The following HECA variants were observed in gnomAD, a reference collection of about 807,000 sequenced individuals.
HECA encodes the protein headcase protein homolog.
HECA carries 13 observed loss-of-function variants against 37.6 expected under a neutral mutation model. The observed-to-expected ratio is 0.35, with a 90% CI of 0.23 to 0.55. The LOEUF (loss-of-function observed/expected upper bound fraction) is 0.55. Among genes scored for constraint, HECA ranks in the 20% least tolerant of loss-of-function variants. The probability of loss-of-function intolerance (pLI) is 0.90; values close to 1 mark genes in which losing one functional copy is unlikely to be tolerated. For missense variants in HECA, 527 were observed against 701.9 expected (o/e 0.75, Z 2.82); for synonymous variants, 307 against 291.5 (o/e 1.05, Z -0.54).
chr6:139,167,164 T>C lies in HECA; in HGVS notation c.1152T>C (p.Ile384=), dbSNP rs1774902085. 1 of 1,614,022 alleles carries C rather than the reference T, an allele frequency of 6.2e-7. No homozygotes were observed. Among genetic ancestry groups the C allele is most frequent in the Non-Finnish European group, 8.5e-7 (1 of 1,180,026 alleles). The change falls in exon 2 of 4, where the codon ATT becomes ATC. Residue 384 remains isoleucine (I), a synonymous_variant. Coordinates refer to ENST00000367658, the MANE Select transcript of HECA (RefSeq NM_016217.3). ...AGGGGGAAGACTTGCGGAAGTTCATTCTGGCCGCGCTCAGTGCCAGCCACA... is the reference window on the plus strand; with the variant it reads ...AGGGGGAAGACTTGCGGAAGTTCATCCTGGCCGCGCTCAGTGCCAGCCACA... ...VGQGEDLRKF[I]LAALSASHRN... is the part of the protein sequence containing the mutation.
In HECA at chr6:139,135,527, TGGC is replaced by T. The variant is rs1774420770; in HGVS notation, c.141_143del (p.Ala48del). On this transcript the variant is annotated inframe_deletion, in exon 1 of 4. Transcript: ENST00000367658. ...GCGGGAGCGGCGGCCGGGGGGGCCCTGGCGGCGGCGGCCGGTTGCGGGGCGGCG... is the reference window on the plus strand; with the variant it reads ...GCGGGAGCGGCGGCCGGGGGGGCCCTGGCGGCGGCCGGTTGCGGGGCGGCG... The T allele has an allele frequency of 1.0e-6, 1 of 988,452 alleles. No homozygotes were observed. Among genetic ancestry groups the T allele is most frequent in the Non-Finnish European group, 1.2e-6 (1 of 834,418 alleles). 61.2% of individuals were successfully genotyped at this position (988,452 alleles called of 1,614,324 possible). A position where few individuals can be genotyped will look rare whatever the true frequency, so the allele number is the denominator to read the frequency against.
intron 2 of HECA, 118 bp from the exon 3 acceptor site, chr6:139,174,267 A>G: frequency 5.0e-6 from 6 of 1,202,170 alleles, no homozygotes; most frequent in Non-Finnish European, 6.8e-6. Context: ...TTCTTTTTAT[A>G]TTTATCCAAA....
At chr6:139,155,113 A>AC (rs1351574441) in intron 1 of HECA, among the ~76,000 whole-genome samples, 1 of 152,232 alleles carries the variant, frequency 6.6e-6, no homozygotes, top group Admixed American at 6.5e-5. Context: ...AGTATAGCCT[A>AC]CTACATACGT....
At chr6:139,173,876 A>T (rs1775011176) in intron 2 of HECA, among the ~76,000 whole-genome samples, 1 of 152,208 alleles carries the variant, frequency 6.6e-6, no homozygotes, top group Non-Finnish European at 1.5e-5. Context: ...CATTTTGAGG[A>T]CAAGGATAGT....
chr6:139,152,097 T>C lies in HECA; in HGVS notation c.272-14187T>C, dbSNP rs990948584. On this transcript the variant is annotated intron_variant, in intron 1 of 3. Transcript: ENST00000367658. The stretch of plus-strand genomic sequence containing the variant: ...AACTATGACACTATTATCTTCATCC[T>C]GATGTTCAGCCTAAACCAGGCATAT... Among the ~76,000 whole-genome samples, 6 of 152,332 alleles carry C rather than the reference T, an allele frequency of 3.9e-5. No individual in the cohort carries two copies. In the South Asian group the frequency reaches 8.3e-4, roughly 21 times the overall value.
rs1200555664 is a variant in HECA, at chr6:139,166,570, G to A, written c.558G>A (p.Lys186=). 3 of 1,614,274 alleles carry A rather than the reference G, an allele frequency of 1.9e-6. No homozygotes were observed. The South Asian group carries it at 3.3e-5, about 18-fold the overall frequency. Residue 186 remains lysine (K), a synonymous_variant, in exon 2 of 4, where the codon AAG becomes AAA. Coordinates refer to ENST00000367658, the MANE Select transcript of HECA (RefSeq NM_016217.3). ...GCCGCTGTGGCCAGGGCCACTTGAA[G>A]AAGGACACAGACTGGTATCAGGTGA... The part of the protein sequence containing the change: ...CSCRCGQGHL[K]KDTDWYQVKR...
intron 1 of HECA, among the ~76,000 whole-genome samples, chr6:139,161,534 C>T (rs1274686509): frequency 6.6e-6 from 1 of 152,162 alleles, no homozygotes; most frequent in Non-Finnish European, 1.5e-5. Flanking sequence ...ACCATTAGAG[C>T]TCTTAGCTCA....
intron 1 of HECA, among the ~76,000 whole-genome samples, chr6:139,136,801 A>G (rs1364110055): frequency 6.6e-6 from 1 of 151,928 alleles, no homozygotes; most frequent in East Asian, 1.9e-4. Context: ...CGCCCGGCTA[A>G]TTTTTGTTAT....
At chr6:139,144,394 G>C (rs1774554856) in intron 1 of HECA, 1 of 152,326 alleles carries the variant, frequency 6.6e-6, no homozygotes, top group African/African-American at 2.4e-5. Context: ...TCCTGGAGGA[G>C]GGGACATTTG....
At chr6:139,135,689 G>A in intron 1 of HECA, 22 bp downstream of exon 1, 1 of 974,768 alleles carries the variant, frequency 1.0e-6, no homozygotes, top group Non-Finnish European at 1.2e-6. Flanking sequence ...CTGGCGGGGC[G>A]AGCGCCAACT....
Position 139,135,381 on chromosome 6 carries a change from G to A in HECA, c.-16G>A. The A allele has an allele frequency of 7.3e-7, 1 of 1,361,170 alleles. No individual in the cohort carries two copies. Among genetic ancestry groups the A allele is most frequent in the Non-Finnish European group, 9.7e-7 (1 of 1,033,470 alleles). 84.3% of individuals were successfully genotyped at this position (1,361,170 alleles called of 1,614,324 possible). On this transcript the variant is annotated 5_prime_UTR_variant, in exon 1 of 4. Coordinates refer to ENST00000367658, the MANE Select transcript of HECA (RefSeq NM_016217.3). ...TTCGCTGACGCCGGGCACCTACCTG[G>A]ACGCGAGCGAGCGAGATGCCCAACC...
At chr6:139,142,085 C>T (rs1229398688) in intron 1 of HECA, among the ~76,000 whole-genome samples, 1 of 151,934 alleles carries the variant, frequency 6.6e-6, no homozygotes, top group Non-Finnish European at 1.5e-5. Context: ...CGCCACCACA[C>T]CCGGCTAATT....
intron 1 of HECA, among the ~76,000 whole-genome samples, 154 bp downstream of exon 1, chr6:139,135,821 G>A (rs1019264172): frequency 4.0e-5 from 6 of 151,384 alleles, no homozygotes; most frequent in African/African-American, 1.2e-4. Context: ...CCCCTTCGCG[G>A]TCCCCACGCC....
At chr6:139,139,907 A>T (rs1224223262) in intron 1 of HECA, among the ~76,000 whole-genome samples, 1 of 152,262 alleles carries the variant, frequency 6.6e-6, no homozygotes, top group Non-Finnish European at 1.5e-5. Flanking sequence ...TACCATTCAC[A>T]TAAAACACAG....
chr6:139,135,803 C>T lies in HECA; in HGVS notation c.271+136C>T, dbSNP rs867872687. On this transcript the variant is annotated intron_variant, in intron 1 of 3. Coordinates refer to ENST00000367658, the MANE Select transcript of HECA (RefSeq NM_016217.3). ...TGCTCACCCCGCCCCTCCGCCCCGC[C>T]GCGGCTGCCCCTTCGCGGTCCCCAC... is the stretch of plus-strand genomic sequence containing the variant. The T allele has an allele frequency of 2.7e-4, 72 of 262,716 alleles. 1 individual carries two copies. Among genetic ancestry groups the T allele is most frequent in the Middle Eastern group, 2.0e-3 (1 of 508 alleles). 16.3% of individuals were successfully genotyped at this position (262,716 alleles called of 1,614,324 possible). A position where few individuals can be genotyped will look rare whatever the true frequency, so the allele number is the denominator to read the frequency against.
chr6:139,139,796 C>G (rs926719177), intron 1 of HECA, among the ~76,000 whole-genome samples: 5 of 152,202 alleles, frequency 3.3e-5, no homozygotes, highest in African/African-American at 4.8e-5. Flanking sequence ...ACCTGGAAAC[C>G]CTTTATGGAG....
intron 1 of HECA, among the ~76,000 whole-genome samples, chr6:139,160,067 A>T (rs1301971959): frequency 1.3e-5 from 2 of 152,174 alleles, no homozygotes; most frequent in East Asian, 3.8e-4. Flanking sequence ...AAAGCTGGGG[A>T]GACAGGATAG....
chr6:139,137,631 CTTTT>C (rs34487492), intron 1 of HECA, among the ~76,000 whole-genome samples: 4 of 123,678 alleles, frequency 3.2e-5, no homozygotes, highest in Non-Finnish European at 3.3e-5. Flanking sequence ...CTACCAGCTC[CTTTT>C]TTTTTTTTTT....
chr6:139,146,091 C>G (rs1396873502), intron 1 of HECA, among the ~76,000 whole-genome samples: 2 of 152,060 alleles, frequency 1.3e-5, no homozygotes, highest in Non-Finnish European at 2.9e-5. Context: ...TACAGATAGT[C>G]GGATAGGAAA....
Sources: gnomAD v4.1 joint callset for allele counts (sites outside exome capture counted in the v4.1 genomes callset) on GRCh38, gnomAD v4.1.1 for gene constraint, MANE v1.5 for transcripts, NCBI Gene and HGNC (gene_info 2026-07-23, HGNC 2026-07-21) for gene names.